PDE4B: variants seen among roughly 807,000 people sequenced by gnomAD.
PDE4B encodes phosphodiesterase 4B.
Under a neutral mutation model 82.2 loss-of-function variants are expected in PDE4B, and 20 were observed. The ratio of observed to expected loss-of-function variants is 0.24; its 90% CI spans 0.17 to 0.35. The LOEUF (loss-of-function observed/expected upper bound fraction) is 0.35, where lower values mean the gene tolerates loss of function less well. Among genes scored for constraint, PDE4B ranks in the 10% least tolerant of loss-of-function variants. The pLI, the probability that PDE4B is intolerant of heterozygous loss-of-function variation, is 1.00. For synonymous variants in PDE4B, 320 were observed against 318.9 expected (o/e 1.00, Z -0.04); for missense variants, 655 against 907.2 (o/e 0.72, Z 3.57).
intron 3 of PDE4B, among the ~76,000 whole-genome samples, chr1:66,199,008 C>T (rs1474752602): frequency 3.3e-5 from 5 of 151,878 alleles, no homozygotes; most frequent in East Asian, 1.9e-4. Flanking sequence ...TCCAGTCTAT[C>T]GTTGTTGGAC....
intron 3 of PDE4B, among the ~76,000 whole-genome samples, chr1:66,184,890 C>T (rs886847824): frequency 3.3e-5 from 5 of 151,590 alleles, no homozygotes; most frequent in African/African-American, 1.2e-4. Flanking sequence ...GCACAACGTG[C>T]ATGTTTGTTG....
chr1:65,991,252 A>AT (rs1392054652), intron 3 of PDE4B, among the ~76,000 whole-genome samples: 2 of 151,548 alleles, frequency 1.3e-5, no homozygotes, highest in Non-Finnish European at 2.9e-5. Flanking sequence ...TAATTTTTGT[A>AT]TTTTTTTAAG....
chr1:65,921,606 T>G (rs1647251441), intron 3 of PDE4B, among the ~76,000 whole-genome samples: 2 of 152,226 alleles, frequency 1.3e-5, no homozygotes, highest in South Asian at 4.1e-4. Flanking sequence ...GCAGTCTCTG[T>G]CACAACTACT....
intron 3 of PDE4B, among the ~76,000 whole-genome samples, chr1:66,087,088 A>G (rs960802375): frequency 6.6e-6 from 1 of 152,152 alleles, no homozygotes; most frequent in Non-Finnish European, 1.5e-5. Flanking sequence ...ATATTCACGT[A>G]TTGCAAAAGA....
intron 3 of PDE4B, among the ~76,000 whole-genome samples, chr1:65,943,751 A>G (rs1325686087): frequency 6.6e-6 from 1 of 151,914 alleles, no homozygotes; most frequent in Non-Finnish European, 1.5e-5. Context: ...TTTTGTAGGT[A>G]TTGTAAATGG....
At chr1:66,080,393 G>C (rs1382335704) in intron 3 of PDE4B, among the ~76,000 whole-genome samples, 1 of 152,112 alleles carries the variant, frequency 6.6e-6, no homozygotes, top group Non-Finnish European at 1.5e-5. Flanking sequence ...TTTTTACCAA[G>C]TGAAAAGATA....
chr1:65,816,383 TTGATAATTCATAAA>T (rs1645886485), intron 1 of PDE4B, among the ~76,000 whole-genome samples: 1 of 152,142 alleles, frequency 6.6e-6, no homozygotes, highest in Admixed American at 6.6e-5. Flanking sequence ...TGCTACCGAA[TTGATAATTCATAAA>T]AGGTTTCAGA....
chr1:66,274,628 C>A (rs1655746486), intron 7 of PDE4B, among the ~76,000 whole-genome samples: 1 of 152,158 alleles, frequency 6.6e-6, no homozygotes, highest in African/African-American at 2.4e-5. Flanking sequence ...AATTGCTTAA[C>A]CTCTCTGTGT....
chr1:66,141,145 A>G (rs186011065), intron 3 of PDE4B, among the ~76,000 whole-genome samples: 46 of 151,838 alleles, frequency 3.0e-4, no homozygotes, highest in Admixed American at 2.8e-3. Context: ...CTCTTCAATC[A>G]TTTATTAAAC....
intron 3 of PDE4B, among the ~76,000 whole-genome samples, chr1:65,929,416 G>C (rs1326657925): frequency 2.6e-5 from 4 of 152,182 alleles, no homozygotes; most frequent in African/African-American, 7.2e-5. Context: ...CCAAGTTGCA[G>C]GGTCCCATTC....
intron 3 of PDE4B, among the ~76,000 whole-genome samples, chr1:66,247,000 A>G (rs577469388): frequency 4.4e-4 from 67 of 152,328 alleles, no homozygotes; most frequent in Middle Eastern, 3.4e-3. Flanking sequence ...AGACTGTGAT[A>G]TTTATTCATG....
At chr1:66,154,855 A>G (rs1338718016) in intron 3 of PDE4B, among the ~76,000 whole-genome samples, 1 of 152,178 alleles carries the variant, frequency 6.6e-6, no homozygotes, top group Non-Finnish European at 1.5e-5. Context: ...CAGAATGCAG[A>G]CCTGCAAAAA....
chr1:66,035,016 A>C (rs1024510466), intron 3 of PDE4B, among the ~76,000 whole-genome samples: 1 of 152,206 alleles, frequency 6.6e-6, no homozygotes, highest in African/African-American at 2.4e-5. Context: ...GCTAGAGAGC[A>C]GCTTCTCAAC....
At chr1:65,841,380 G>A (rs112903590) in intron 1 of PDE4B, among the ~76,000 whole-genome samples, 25 of 89,406 alleles carry the variant, frequency 2.8e-4, no homozygotes, top group Admixed American at 1.0e-3. Flanking sequence ...GAAAGGAAAG[G>A]AAAGGAAGGA....
chr1:65,936,504 A>G (rs1648146937), intron 3 of PDE4B, among the ~76,000 whole-genome samples: 2 of 152,178 alleles, frequency 1.3e-5, no homozygotes, highest in Non-Finnish European at 1.5e-5. Context: ...ACTGTATTGG[A>G]AATAACAAGG....
intron 3 of PDE4B, among the ~76,000 whole-genome samples, chr1:66,192,895 A>G (rs1215329983): frequency 2.0e-5 from 3 of 152,164 alleles, no homozygotes; most frequent in East Asian, 1.9e-4. Context: ...CAGTCTATCT[A>G]TATTTTGCAG....
intron 3 of PDE4B, among the ~76,000 whole-genome samples, chr1:66,226,744 T>A (rs1651485616): frequency 6.6e-6 from 1 of 152,262 alleles, no homozygotes; most frequent in Admixed American, 6.5e-5. Flanking sequence ...TTGGATTTTA[T>A]TTTAAATGTG....
intron 8 of PDE4B, chr1:66,354,249 G>A: frequency 4.8e-6 from 1 of 207,468 alleles, no homozygotes; most frequent in Non-Finnish European, 8.4e-6. Flanking sequence ...AATTAGAGCG[G>A]CTGGATTTTT....
intron 3 of PDE4B, among the ~76,000 whole-genome samples, chr1:66,126,224 C>A (rs1329584652): frequency 6.6e-6 from 1 of 152,158 alleles, no homozygotes. Flanking sequence ...AATTACTCTG[C>A]AGAGTAAGTC....
Sources: gnomAD v4.1 joint callset for allele counts (sites outside exome capture counted in the v4.1 genomes callset) on GRCh38, gnomAD v4.1.1 for gene constraint, MANE v1.5 for transcripts, NCBI Gene and HGNC (gene_info 2026-07-23, HGNC 2026-07-21) for gene names.